DHRS1: variants seen among roughly 807,000 people sequenced by gnomAD.
DHRS1 encodes dehydrogenase/reductase 1, also known as dehydrogenase/reductase SDR family member 1.
DHRS1 carries 34 observed loss-of-function variants against 35.2 expected under a neutral mutation model. That is an observed-to-expected ratio of 0.97 (90% CI 0.74 to 1.29). The LOEUF (loss-of-function observed/expected upper bound fraction) is 1.29, where lower values mean the gene tolerates loss of function less well. Ranked by LOEUF, DHRS1 falls within the 50% of genes most tolerant of loss-of-function variation. The pLI is 0.00. For synonymous variants in DHRS1, 133 were observed against 160.0 expected (o/e 0.83, Z 1.27); for missense variants, 354 against 403.6 (o/e 0.88, Z 1.05).
Position 24,297,878 on chromosome 14 carries a change from C to T in DHRS1, c.151-997G>A, listed in dbSNP as rs118169249. Among the ~76,000 whole-genome samples the T allele has an allele frequency of 1.4e-3, 214 of 152,306 alleles. 3 individuals carry two copies. The East Asian group carries it at 0.018, about 13-fold the overall frequency. On this transcript the variant is annotated intron_variant, in intron 2 of 8. Transcript: ENST00000288111. ...CAAGAACCACCTACCTCCTCCAGGA[C>T]GCTTTCCCAAACCACTTTCCCTAGC...
chr14:24,296,677 G>A lies in DHRS1; in HGVS notation c.294+61C>T, dbSNP rs910349301. On this transcript the variant is annotated intron_variant, in intron 3 of 8. Transcript: ENST00000288111. ...GGAAGGGACAATGAGTGGGGATGAA[G>A]ATGCAGGGGTCTGAGGGGGAGGTCA... The A allele has an allele frequency of 8.1e-6, 13 of 1,613,514 alleles. No homozygotes were observed. In the African/African-American group the frequency reaches 1.6e-4, roughly 20 times the overall value.
At position 24,290,910 on chromosome 14, in the gene DHRS1, G is replaced by GGAA. The variant is rs773959326; in HGVS notation, c.890_891insTTC (p.Ser297dup). On this transcript the variant is annotated inframe_insertion, in exon 9 of 9. Transcript: ENST00000288111. Reference sequence around the variant, plus strand: ...TAATCCACTTGGGCACACGGAGGAAGGAGGGCAGGTAGGAGGCCAGCCAGC... The same window carrying GGAA: ...TAATCCACTTGGGCACACGGAGGAAGGAAGAGGGCAGGTAGGAGGCCAGCCAGC... The GGAA allele has an allele frequency of 6.2e-7, 1 of 1,613,948 alleles. No homozygotes were observed. The highest frequency in any genetic ancestry group is 8.5e-7 in the Non-Finnish European group (1 of 1,180,012).
chr14:24,297,708 C>T (rs950591091), intron 2 of DHRS1, among the ~76,000 whole-genome samples: 32 of 152,236 alleles, frequency 2.1e-4, no homozygotes, highest in Non-Finnish European at 1.0e-4. Flanking sequence ...ACTCTTTCCT[C>T]TCCAGCCTCT....
At chr14:24,296,454 C>T in intron 4 of DHRS1, 55 bp downstream of exon 4, 6 of 1,565,796 alleles carry the variant, frequency 3.8e-6, no homozygotes, top group South Asian at 2.2e-5. Flanking sequence ...AAGGCCTGGC[C>T]GTCGAGTTGG....
intron 2 of DHRS1, among the ~76,000 whole-genome samples, 198 bp from the exon 3 acceptor site, chr14:24,297,079 G>C (rs1440526073): frequency 6.6e-6 from 1 of 152,230 alleles, no homozygotes; most frequent in African/African-American, 2.4e-5. Context: ...CCCCACCACA[G>C]AGCAAGGTGA....
intron 3 of DHRS1, 68 bp from the exon 4 acceptor site, chr14:24,296,656 G>A (rs2041252976): frequency 1.2e-6 from 2 of 1,613,254 alleles, no homozygotes; most frequent in Non-Finnish European, 8.5e-7. Context: ...GGTAATGGAA[G>A]GGACAATGAG....
chr14:24,294,445 CA>C, intron 4 of DHRS1: 1 of 152,188 alleles, frequency 6.6e-6, no homozygotes, highest in African/African-American at 2.4e-5. Flanking sequence ...AAAAATTAGC[CA>C]GGCGTGGTGG....
At position 24,299,768 on chromosome 14, in the gene DHRS1, G is replaced by C; in HGVS notation, c.-212C>G. On this transcript the variant is annotated 5_prime_UTR_variant, in exon 1 of 9. Transcript: ENST00000288111. ...GCCAAAGTTAGAACCTGCGGATGGG[G>C]GCGGAGCGATCTGGGTGACACACCC... 1.5e-6 allele frequency: 1 copy of C among 664,030 alleles called. No homozygotes were observed. Among genetic ancestry groups the C allele is most frequent in the East Asian group, 2.9e-5 (1 of 34,414 alleles). The allele number at this position is 664,030 out of a possible 1,614,324, so 41.1% of individuals were successfully genotyped here. A position where few individuals can be genotyped will look rare whatever the true frequency, so the allele number is the denominator to read the frequency against.
In DHRS1 at chr14:24,295,816, C is replaced by T. The variant is rs550366885; in HGVS notation, c.374+693G>A. Among the ~76,000 whole-genome samples the T allele has an allele frequency of 2.0e-5, 3 of 152,314 alleles. No homozygotes were observed. The South Asian group carries it at 6.2e-4, about 32-fold the overall frequency. On this transcript the variant is annotated intron_variant, in intron 4 of 8. Coordinates refer to ENST00000288111, the MANE Select transcript of DHRS1 (RefSeq NM_001136050.3). ...TGTTACCAGAGTACCAAAATTGGAG[C>T]GGTGGGTGTTCTTACATGCTTTAGT...
chr14:24,291,475 G>A (rs1465244167), intron 7 of DHRS1, 81 bp downstream of exon 7: 5 of 1,460,150 alleles, frequency 3.4e-6, no homozygotes, highest in African/African-American at 2.8e-5. Context: ...ACCAACTCCC[G>A]AGCCAGATCT....
chr14:24,295,445 A>G (rs982530561), intron 4 of DHRS1, among the ~76,000 whole-genome samples: 1 of 152,240 alleles, frequency 6.6e-6, no homozygotes, highest in Non-Finnish European at 1.5e-5. Flanking sequence ...CCAAGGTAAT[A>G]CAGAGGAAAG....
chr14:24,291,085 G>T, intron 8 of DHRS1, 54 bp downstream of exon 8: 1 of 1,612,930 alleles, frequency 6.2e-7, no homozygotes, highest in Non-Finnish European at 8.5e-7. Context: ...GGAGGAGTGG[G>T]CAGGGAACAG....
Position 24,290,860 on chromosome 14 carries a change from T to C in DHRS1, c.941A>G (p.Ter314=). 6.2e-7 allele frequency: 1 copy of C among 1,613,504 alleles called. No individual in the cohort carries two copies. Among genetic ancestry groups the C allele is most frequent in the Non-Finnish European group, 8.5e-7 (1 of 1,179,880 alleles). ...WIIALYTSKF[*] ...AGACGTAGTGTCAGACCAGGAGGGT[T>C]AGAACTTGCTAGTGTAGAGGGCAAT... The change falls in exon 9 of 9, where the codon TAA becomes TGA. Residue 314 remains the stop codon, a stop_retained_variant. Transcript: ENST00000288111.
chr14:24,293,062 G>A, intron 4 of DHRS1: 1 of 406,886 alleles, frequency 2.5e-6, no homozygotes, highest in Non-Finnish European at 4.4e-6. Flanking sequence ...ATTGTTCAGG[G>A]GGAGAAAACT....
In DHRS1 at chr14:24,292,260, G is replaced by C. The variant is rs200961410; in HGVS notation, c.578C>G (p.Pro193Arg). 1 of 1,614,076 alleles carries C rather than the reference G, an allele frequency of 6.2e-7. No individual in the cohort carries two copies. The highest frequency in any genetic ancestry group is 8.5e-7 in the Non-Finnish European group (1 of 1,180,010). ...RHGVSCVSLW[P>R]GIVQTELLKE... ...CAGCAGTTCTGTCTGCACAATCCCC[G>C]GCCACAGAGACACACAGCTGACCCC... Residue 193 changes from proline to arginine, a missense_variant, in exon 6 of 9, where the codon CCG becomes CGG. Coordinates refer to ENST00000288111, the MANE Select transcript of DHRS1 (RefSeq NM_001136050.3).
intron 1 of DHRS1, 86 bp from the exon 2 acceptor site, chr14:24,299,216 T>C (rs2041321914): frequency 2.3e-6 from 3 of 1,300,292 alleles, no homozygotes; most frequent in Non-Finnish European, 3.1e-6. Flanking sequence ...AGAACCTCAC[T>C]AGGGCTAAGA....
chr14:24,296,385 T>C, intron 4 of DHRS1, 124 bp downstream of exon 4: 2 of 907,322 alleles, frequency 2.2e-6, no homozygotes, highest in Non-Finnish European at 3.5e-6. Context: ...ACAAATGGAA[T>C]GGAAGGGAGA....
chr14:24,292,463 C>A, intron 5 of DHRS1, 133 bp from the exon 6 acceptor site: 2 of 1,475,724 alleles, frequency 1.4e-6, no homozygotes, highest in Non-Finnish European at 9.2e-7. Context: ...GCTGCCCACG[C>A]TCCCCAGTGT....
Position 24,296,888 on chromosome 14 carries a change from T to A in DHRS1, c.151-7A>T. 6.2e-7 allele frequency: 1 copy of A among 1,613,644 alleles called. No individual in the cohort carries two copies. The highest frequency in any genetic ancestry group is 2.2e-5 in the East Asian group (1 of 44,856). ...GGCCCCCGAGGGATTGTGCCTGGAGTAGGACAGGGGATATGAGCTCACATT... is the reference window on the plus strand; with the variant it reads ...GGCCCCCGAGGGATTGTGCCTGGAGAAGGACAGGGGATATGAGCTCACATT... On this transcript the variant is annotated splice_region_variant and splice_polypyrimidine_tract_variant and intron_variant, in intron 2 of 8. Coordinates refer to ENST00000288111, the MANE Select transcript of DHRS1 (RefSeq NM_001136050.3).
Sources: allele counts gnomAD v4.1 joint callset (sites outside exome capture counted in the v4.1 genomes callset), GRCh38; gene constraint gnomAD v4.1.1; transcripts MANE v1.5; gene names NCBI Gene and HGNC (gene_info 2026-07-23, HGNC 2026-07-21).